LINGO2: variants seen among roughly 807,000 people sequenced by gnomAD.
The protein encoded by LINGO2 is leucine rich repeat and Ig domain containing 2.
Under a neutral mutation model 30.6 loss-of-function variants are expected in LINGO2, and 14 were observed. That is an observed-to-expected ratio of 0.46 (90% CI 0.30 to 0.72). The LOEUF is 0.72. Ranked by LOEUF, LINGO2 falls within the 30% of genes least tolerant of loss-of-function variation. The probability of loss-of-function intolerance (pLI) is 0.07; values close to 1 mark genes in which losing one functional copy is unlikely to be tolerated. For missense variants in LINGO2, 729 were observed against 751.7 expected (o/e 0.97, Z 0.35); for synonymous variants, 317 against 288.5 (o/e 1.10, Z -1.00).
chr9:29,143,229 C>G, the LINGO2 span, among the ~76,000 whole-genome samples: 1 of 152,020 alleles, frequency 6.6e-6, no homozygotes, highest in Non-Finnish European at 1.5e-5. Context: ...ACTATTGTTA[C>G]TGTTGTCCAT....
At chr9:28,753,018 A>G in the LINGO2 span, among the ~76,000 whole-genome samples, 1 of 152,098 alleles carries the variant, frequency 6.6e-6, no homozygotes, top group Admixed American at 6.6e-5. Context: ...GCACTTCAGT[A>G]CAAAAGACAG....
chr9:28,817,962 C>T, the LINGO2 span, among the ~76,000 whole-genome samples: 1 of 152,078 alleles, frequency 6.6e-6, no homozygotes, highest in African/African-American at 2.4e-5. Context: ...TCATTCTTCT[C>T]ATATAAGGAT....
At chr9:28,054,482 G>T (rs375857398) in intron 4 of LINGO2, among the ~76,000 whole-genome samples, 1 of 152,176 alleles carries the variant, frequency 6.6e-6, no homozygotes, top group Admixed American at 6.6e-5. Flanking sequence ...CTAGACCTTA[G>T]CTAACGTAGT....
the LINGO2 span, among the ~76,000 whole-genome samples, chr9:28,931,914 C>T: frequency 6.6e-6 from 1 of 151,102 alleles, no homozygotes; most frequent in Admixed American, 6.6e-5. Context: ...TCGAGATCAG[C>T]CTGGCCAATA....
At chr9:28,134,239 G>A (rs1827452932) in intron 4 of LINGO2, among the ~76,000 whole-genome samples, 1 of 152,036 alleles carries the variant, frequency 6.6e-6, no homozygotes, top group Admixed American at 6.6e-5. Context: ...TCACTTAGCA[G>A]CCACAGTGAT....
At chr9:29,098,466 T>C in the LINGO2 span, among the ~76,000 whole-genome samples, 1 of 147,742 alleles carries the variant, frequency 6.8e-6, no homozygotes, top group Admixed American at 6.8e-5. Context: ...CACACACACA[T>C]ATGCGCACAC....
At chr9:28,597,578 C>T (rs931832405) in intron 1 of LINGO2, among the ~76,000 whole-genome samples, 9 of 152,146 alleles carry the variant, frequency 5.9e-5, no homozygotes, top group African/African-American at 1.4e-4. Context: ...GTCTTTTCAT[C>T]GTTATCAGAT....
the LINGO2 span, among the ~76,000 whole-genome samples, chr9:29,139,325 T>C: frequency 6.6e-6 from 1 of 152,286 alleles, no homozygotes; most frequent in East Asian, 1.9e-4. Context: ...CCCAGGTTCC[T>C]GGCCTATGGA....
the LINGO2 span, among the ~76,000 whole-genome samples, chr9:29,004,322 A>G: frequency 3.9e-5 from 6 of 151,960 alleles, no homozygotes; most frequent in African/African-American, 1.4e-4. Context: ...TTATTTGTAT[A>G]CGTATCAAAA....
the LINGO2 span, among the ~76,000 whole-genome samples, chr9:28,793,967 C>T: frequency 3.0e-4 from 45 of 152,304 alleles, no homozygotes; most frequent in Non-Finnish European, 5.0e-4. Context: ...ATAAAACAAT[C>T]TCCACCCTCC....
At chr9:28,356,051 G>C (rs1820196384) in intron 3 of LINGO2, among the ~76,000 whole-genome samples, 1 of 152,088 alleles carries the variant, frequency 6.6e-6, no homozygotes, top group South Asian at 2.1e-4. Context: ...CAGAGCTATT[G>C]ATCTAGAAAT....
chr9:28,135,769 T>C (rs1827500374), intron 4 of LINGO2, among the ~76,000 whole-genome samples: 1 of 152,178 alleles, frequency 6.6e-6, no homozygotes, highest in Non-Finnish European at 1.5e-5. Flanking sequence ...TCTGAATGTA[T>C]TGTCATAAAA....
chr9:28,623,869 T>C lies in LINGO2; in HGVS notation c.-365+46331A>G, dbSNP rs182826948. ...ATTTTTTGTATCCTCTTCAATTTCT[T>C]TCATCAGTGTTTTATAGTTTTCATT... On this transcript the variant is annotated intron_variant, in intron 1 of 5. Transcript: ENST00000379992. Among the ~76,000 whole-genome samples, 390 of 152,252 alleles carry C rather than the reference T, an allele frequency of 2.6e-3. 1 individual carries two copies. Among genetic ancestry groups the C allele is most frequent in the African/African-American group, 9.0e-3 (376 of 41,580 alleles).
chr9:28,961,439 G>T, the LINGO2 span, among the ~76,000 whole-genome samples: 6 of 152,234 alleles, frequency 3.9e-5, no homozygotes, highest in East Asian at 9.7e-4. Context: ...TATTTTGCAT[G>T]TTTATTAAAA....
intron 4 of LINGO2, among the ~76,000 whole-genome samples, chr9:28,121,250 C>T (rs1048360554): frequency 3.3e-5 from 5 of 151,960 alleles, no homozygotes; most frequent in East Asian, 3.9e-4. Context: ...TTTTTACTAA[C>T]GGCACATGGA....
At chr9:28,243,316 C>T (rs142085088) in intron 4 of LINGO2, among the ~76,000 whole-genome samples, 19 of 151,724 alleles carry the variant, frequency 1.3e-4, no homozygotes, top group South Asian at 4.2e-4. Context: ...AAAAATTAAC[C>T]GGGTGTGGTG....
chr9:28,472,389 A>T (rs1825557243), intron 2 of LINGO2, among the ~76,000 whole-genome samples: 1 of 152,012 alleles, frequency 6.6e-6, no homozygotes, highest in Admixed American at 6.6e-5. Context: ...TTCTAGGTTA[A>T]CACAGATTAT....
At chr9:28,458,981 T>TG (rs201008526) in intron 2 of LINGO2, among the ~76,000 whole-genome samples, 628 of 1,940 alleles carry the variant, frequency 0.32, 4 homozygotes, top group African/African-American at 0.33. Flanking sequence ...ATGTGAATTA[T>TG]GATTTTGCAT....
intron 1 of LINGO2, among the ~76,000 whole-genome samples, chr9:28,647,325 T>C (rs1033357771): frequency 6.6e-6 from 1 of 152,120 alleles, no homozygotes; most frequent in African/African-American, 2.4e-5. Context: ...TTTCTTTATG[T>C]TTATTCTCCA....
Sources: allele counts gnomAD v4.1 joint callset (sites outside exome capture counted in the v4.1 genomes callset), GRCh38; gene constraint gnomAD v4.1.1; transcripts MANE v1.5; gene names NCBI Gene and HGNC (gene_info 2026-07-23, HGNC 2026-07-21).